MVB12B: variants seen among roughly 807,000 people sequenced by gnomAD.
MVB12B encodes the protein multivesicular body subunit 12B, also known as ESCRT-I complex subunit MVB12B.
MVB12B carries 16 observed loss-of-function variants against 41.6 expected under a neutral mutation model. That is an observed-to-expected ratio of 0.38 (90% CI 0.26 to 0.58). MVB12B has a LOEUF of 0.58. Ranked by LOEUF, MVB12B falls within the 20% of genes least tolerant of loss-of-function variation. The pLI is 0.62. For missense variants in MVB12B, 274 were observed against 380.2 expected (o/e 0.72, Z 2.32); for synonymous variants, 133 against 139.7 (o/e 0.95, Z 0.34).
chr9:126,341,302 G>A (rs1482880928), intron 2 of MVB12B, among the ~76,000 whole-genome samples: 1 of 152,224 alleles, frequency 6.6e-6, no homozygotes, highest in African/African-American at 2.4e-5. Context: ...AACTGGTTAT[G>A]TTGTTGTTTC....
At chr9:126,343,905 A>G (rs1039705684) in intron 2 of MVB12B, among the ~76,000 whole-genome samples, 3 of 152,248 alleles carry the variant, frequency 2.0e-5, no homozygotes, top group African/African-American at 7.2e-5. Flanking sequence ...CAACAGAGTG[A>G]GACTCTGTCT....
rs755533648 is a variant in MVB12B at position 126,376,419 on chromosome 9, A to T, written c.205-4645A>T. 2 of 981,188 alleles carry T rather than the reference A, an allele frequency of 2.0e-6. No homozygotes were observed. The highest frequency in any genetic ancestry group is 1.2e-4 in the East Asian group (2 of 16,572). The allele number at this position is 981,188 out of a possible 1,614,324, so 60.8% of individuals were successfully genotyped here. ...CTGAGCCTGTCCCCAGTGCCTGGTG[A>T]CCCTTTGTTGTGGGTTGGGATTTAA... On this transcript the variant is annotated intron_variant, in intron 2 of 9. Transcript: ENST00000361171. The surrounding 1 kb of genome is among the most constrained non-coding windows in gnomAD (Gnocchi z 4.1).
intron 7 of MVB12B, among the ~76,000 whole-genome samples, chr9:126,427,697 G>A (rs937680491): frequency 1.3e-5 from 2 of 152,072 alleles, no homozygotes; most frequent in African/African-American, 4.8e-5. Context: ...AAAAAATCTC[G>A]AACACCCTAT....
At chr9:126,474,222 G>T (rs1010922474) in intron 7 of MVB12B, among the ~76,000 whole-genome samples, 2 of 152,148 alleles carry the variant, frequency 1.3e-5, no homozygotes, top group Non-Finnish European at 2.9e-5. Flanking sequence ...CCAGCTCCTC[G>T]AACAGCATGT....
intron 1 of MVB12B, among the ~76,000 whole-genome samples, chr9:126,337,953 A>G (rs926153825): frequency 7.2e-5 from 11 of 152,134 alleles, no homozygotes; most frequent in African/African-American, 2.7e-4. Flanking sequence ...AGGAAGGTCA[A>G]TTGAAGTGCC....
In MVB12B at chr9:126,480,205, G is replaced by A. The variant is rs1197986238; in HGVS notation, c.758-1164G>A. ...AGGGTGCGGCCACCCCTGACTTCGGGGCTCCGCGTCCCTGCACTCATGACC... is the reference window on the plus strand; with the variant it reads ...AGGGTGCGGCCACCCCTGACTTCGGAGCTCCGCGTCCCTGCACTCATGACC... On this transcript the variant is annotated intron_variant, in intron 7 of 9. Transcript: ENST00000361171. This position sits in a 1 kb window ranked among gnomAD's most constrained non-coding sequence, Gnocchi z 4.9. 2.0e-5 allele frequency among the ~76,000 whole-genome samples: 3 copies of A among 152,172 alleles called. No homozygotes were observed. The highest frequency in any genetic ancestry group is 4.4e-5 in the Non-Finnish European group (3 of 68,032).
At chr9:126,370,314 T>C (rs1297923725) in intron 2 of MVB12B, among the ~76,000 whole-genome samples, 1 of 151,986 alleles carries the variant, frequency 6.6e-6, no homozygotes, top group Non-Finnish European at 1.5e-5. Context: ...TGATTTGCTG[T>C]GAATGGTCTA....
chr9:126,425,925 A>G (rs950964788), intron 7 of MVB12B, among the ~76,000 whole-genome samples: 2 of 152,254 alleles, frequency 1.3e-5, no homozygotes, highest in African/African-American at 4.8e-5. Flanking sequence ...GCCCAATCCC[A>G]TCCAGGGCCT....
At chr9:126,408,057 T>C (rs898363213) in intron 6 of MVB12B, 3 of 152,228 alleles carry the variant, frequency 2.0e-5, no homozygotes, top group Non-Finnish European at 2.9e-5. Flanking sequence ...ACATTAAAAT[T>C]CCACTAAAGT....
At chr9:126,461,535 A>G (rs1447411786) in intron 7 of MVB12B, among the ~76,000 whole-genome samples, 1 of 152,174 alleles carries the variant, frequency 6.6e-6, no homozygotes, top group Non-Finnish European at 1.5e-5. Flanking sequence ...AGCTCCTAAT[A>G]TCATTTCACA....
At chr9:126,497,299 C>T (rs1382349129) in intron 9 of MVB12B, among the ~76,000 whole-genome samples, 1 of 152,106 alleles carries the variant, frequency 6.6e-6, no homozygotes. Context: ...GTTGCAGCTC[C>T]CAGGTTAGAG....
chr9:126,418,202 C>T (rs958330100), intron 6 of MVB12B, among the ~76,000 whole-genome samples: 6 of 150,804 alleles, frequency 4.0e-5, no homozygotes, highest in Admixed American at 6.6e-5. Context: ...TCATCTCCAA[C>T]GAGGGAAGAG....
chr9:126,490,321 A>G (rs1489681625), intron 9 of MVB12B, among the ~76,000 whole-genome samples: 1 of 152,042 alleles, frequency 6.6e-6, no homozygotes, highest in African/African-American at 2.4e-5. Context: ...AGACCTCACC[A>G]TCCCGGTCAG....
intron 7 of MVB12B, among the ~76,000 whole-genome samples, chr9:126,456,557 T>G (rs1405282741): frequency 6.6e-6 from 1 of 152,216 alleles, no homozygotes; most frequent in African/African-American, 2.4e-5. Flanking sequence ...TTGGCTGGGG[T>G]TCTCATCCTG....
At position 126,493,183 on chromosome 9, in the gene MVB12B, C is replaced by G. The variant is rs1312604435; in HGVS notation, c.873+9151C>G. Among the ~76,000 whole-genome samples the G allele has an allele frequency of 2.0e-5, 3 of 152,026 alleles. No homozygotes were observed. In the East Asian group the frequency reaches 5.8e-4, roughly 29 times the overall value. On this transcript the variant is annotated intron_variant, in intron 9 of 9. Coordinates refer to ENST00000361171, the MANE Select transcript of MVB12B (RefSeq NM_033446.3). ...TATGAAAACATTCACCCCTGTTTTC[C>G]CTTATTATTTTATATATTAAAATAT...
intron 2 of MVB12B, among the ~76,000 whole-genome samples, chr9:126,349,884 G>C (rs1049881987): frequency 4.6e-5 from 7 of 152,306 alleles, no homozygotes; most frequent in African/African-American, 1.7e-4. Flanking sequence ...GAATGCATTT[G>C]CTGGGTCACA....
At chr9:126,433,821 C>T (rs996049483) in intron 7 of MVB12B, among the ~76,000 whole-genome samples, 3 of 152,170 alleles carry the variant, frequency 2.0e-5, no homozygotes, top group African/African-American at 7.2e-5. Context: ...CTGCTTCCAG[C>T]CCCCTGAGTC....
chr9:126,469,744 G>A (rs1302034734), intron 7 of MVB12B, among the ~76,000 whole-genome samples: 1 of 152,326 alleles, frequency 6.6e-6, no homozygotes, highest in African/African-American at 2.4e-5. Context: ...TCACTGAGGA[G>A]TTTCTGCGTT....
At chr9:126,429,222 C>A (rs1312920081) in intron 7 of MVB12B, among the ~76,000 whole-genome samples, 1 of 152,120 alleles carries the variant, frequency 6.6e-6, no homozygotes, top group African/African-American at 2.4e-5. Flanking sequence ...CCTTGTCTAT[C>A]CATCTCCTCT....
Sources: gnomAD v4.1 joint callset for allele counts (sites outside exome capture counted in the v4.1 genomes callset) on GRCh38, gnomAD v4.1.1 for gene constraint, Gnocchi (gnomAD v3.1) non-coding constraint, MANE v1.5 for transcripts, NCBI Gene and HGNC (gene_info 2026-07-23, HGNC 2026-07-21) for gene names.